OSBPL9: variants seen among roughly 807,000 people sequenced by gnomAD.
OSBPL9 encodes oxysterol-binding protein-related protein 9.
Under a neutral mutation model 106.6 loss-of-function variants are expected in OSBPL9, and 40 were observed. The observed-to-expected ratio is 0.38, with a 90% CI of 0.29 to 0.49. The LOEUF (loss-of-function observed/expected upper bound fraction) is 0.49, where lower values mean the gene tolerates loss of function less well. Among genes scored for constraint, OSBPL9 ranks in the 20% least tolerant of loss-of-function variants. The pLI is 0.97. For missense variants in OSBPL9, 609 were observed against 887.2 expected (o/e 0.69, Z 3.98); for synonymous variants, 269 against 295.4 (o/e 0.91, Z 0.92).
chr1:51,645,850 A>G (rs1231974114), intron 1 of OSBPL9, among the ~76,000 whole-genome samples: 1 of 151,956 alleles, frequency 6.6e-6, no homozygotes, highest in East Asian at 1.9e-4. Flanking sequence ...CATATGGTTT[A>G]ATCATCATTT....
intron 1 of OSBPL9, among the ~76,000 whole-genome samples, chr1:51,592,828 T>A (rs897457943): frequency 2.0e-5 from 3 of 152,164 alleles, no homozygotes; most frequent in Non-Finnish European, 4.4e-5. Context: ...ATTGGACAAG[T>A]GGAGTTCAGT....
At chr1:51,727,794 T>C (rs1048742400) in intron 4 of OSBPL9, among the ~76,000 whole-genome samples, 3 of 152,152 alleles carry the variant, frequency 2.0e-5, no homozygotes, top group African/African-American at 7.2e-5. Flanking sequence ...GCCCAGGAGT[T>C]TGAGTTCAGC....
At chr1:51,558,138 G>A in the OSBPL9 span, among the ~76,000 whole-genome samples, 1 of 152,142 alleles carries the variant, frequency 6.6e-6, no homozygotes, top group Non-Finnish European at 1.5e-5. Flanking sequence ...AAATTAGCCA[G>A]GCGTAGTGGC....
intron 3 of OSBPL9, among the ~76,000 whole-genome samples, chr1:51,678,055 T>A (rs1046600854): frequency 6.6e-6 from 1 of 151,410 alleles, no homozygotes; most frequent in Admixed American, 6.6e-5. Flanking sequence ...GTGGCGTGTG[T>A]GCCTGTAGTC....
Position 51,635,658 on chromosome 1 carries a change from TA to T in OSBPL9, c.112-16331del, listed in dbSNP as rs1405010537. Among the ~76,000 whole-genome samples the T allele has an allele frequency of 1.3e-4, 20 of 152,318 alleles. No homozygotes were observed. The Middle Eastern group carries it at 0.01, about 78-fold the overall frequency. Reference sequence around the variant, plus strand: ...AACTTTATAAGGGATGCAAAAACCCTAAGTCATCATGGCTGTGCTTAATTGA... The same window carrying T: ...AACTTTATAAGGGATGCAAAAACCCTAGTCATCATGGCTGTGCTTAATTGA... On this transcript the variant is annotated intron_variant, in intron 1 of 23. Coordinates refer to ENST00000428468, the MANE Select transcript of OSBPL9 (RefSeq NM_024586.6).
chr1:51,785,699 C>G, intron 20 of OSBPL9, 109 bp from the exon 21 acceptor site: 1 of 890,226 alleles, frequency 1.1e-6, no homozygotes, highest in African/African-American at 1.7e-5. Flanking sequence ...TCATCAAAAA[C>G]TTCACAGTTG....
intron 4 of OSBPL9, among the ~76,000 whole-genome samples, chr1:51,716,502 A>T (rs900292112): frequency 2.6e-5 from 4 of 152,186 alleles, no homozygotes; most frequent in Non-Finnish European, 4.4e-5. Context: ...TTGGATGAGA[A>T]CTGGTTGAAA....
At chr1:51,604,229 A>C (rs1415388979) in intron 2 of OSBPL9, among the ~76,000 whole-genome samples, 1 of 152,194 alleles carries the variant, frequency 6.6e-6, no homozygotes, top group Non-Finnish European at 1.5e-5. Context: ...TGGGACGCAA[A>C]TACTGCCTCT....
rs369007175 is a variant in OSBPL9, at chr1:51,737,233, G to C, written c.319-8303G>C. On this transcript the variant is annotated intron_variant, in intron 4 of 23. Transcript: ENST00000428468. ...ATCTGAGCAGCTTTAGCATTTGCCA[G>C]ATTTACTCCTGGAAAACATTTTATA... Among the ~76,000 whole-genome samples, 26 of 152,096 alleles carry C rather than the reference G, an allele frequency of 1.7e-4. No homozygotes were observed. The East Asian group carries it at 4.1e-3, about 24-fold the overall frequency.
At chr1:51,656,139 G>A (rs1283469519) in intron 2 of OSBPL9, among the ~76,000 whole-genome samples, 1 of 152,076 alleles carries the variant, frequency 6.6e-6, no homozygotes, top group Admixed American at 6.6e-5. Context: ...GAGAGACCTG[G>A]GGCTGAATTT....
rs571118678 is a variant in OSBPL9 at position 51,685,584 on chromosome 1, G to C, written c.241+16072G>C. On this transcript the variant is annotated intron_variant, in intron 3 of 23. Transcript: ENST00000428468. ...CCACACCGTCTAATTTTTTTGTAGA[G>C]ACGAGGTTTTGCCATGTTGGCCAGG... Among the ~76,000 whole-genome samples the C allele has an allele frequency of 2.6e-5, 4 of 152,222 alleles. No individual in the cohort carries two copies. The East Asian group carries it at 7.7e-4, about 29-fold the overall frequency.
chr1:51,733,152 C>T (rs2148951808), intron 4 of OSBPL9, among the ~76,000 whole-genome samples: 1 of 152,304 alleles, frequency 6.6e-6, no homozygotes, highest in Middle Eastern at 3.4e-3. Flanking sequence ...CATATCACAG[C>T]CTTCACTAAG....
rs144050651 is a variant in OSBPL9, at chr1:51,785,832, T to C, written c.1854T>C (p.Phe618=). ...GTTCTCCAAATGACAAGAAGTCTTT[T>C]TGCTCAATTGAAGGGGAATGGAATG... is the stretch of plus-strand genomic sequence containing the variant. ...EIFSPNDKKS[F]CSIEGEWNGV... Residue 618 remains phenylalanine (F), a synonymous_variant, in exon 21 of 24, where the codon TTT becomes TTC. Transcript: ENST00000428468. 1.9e-6 allele frequency: 3 copies of C among 1,609,126 alleles called. No individual in the cohort carries two copies. Among genetic ancestry groups the C allele is most frequent in the African/African-American group, 2.7e-5 (2 of 74,684 alleles).
Position 51,788,511 on chromosome 1 carries a change from A to AATT in OSBPL9, c.*726_*728dup, listed in dbSNP as rs1210341697. Reference sequence around the variant, plus strand: ...TCTTTTATGGTTAAACTTGGAAGCCAATTATTTGGCAACCTTGAATACAAG... The same window carrying AATT: ...TCTTTTATGGTTAAACTTGGAAGCCAATTATTATTTGGCAACCTTGAATACAAG... On this transcript the variant is annotated 3_prime_UTR_variant, in exon 24 of 24. Coordinates refer to ENST00000428468, the MANE Select transcript of OSBPL9 (RefSeq NM_024586.6). The AATT allele has an allele frequency of 6.6e-6, 1 of 152,518 alleles. No individual in the cohort carries two copies. The highest frequency in any genetic ancestry group is 1.5e-5 in the Non-Finnish European group (1 of 68,038). 9.4% of individuals were successfully genotyped at this position (152,518 alleles called of 1,614,324 possible).
At chr1:51,768,188 G>A (rs1308464811) in intron 12 of OSBPL9, among the ~76,000 whole-genome samples, 3 of 151,864 alleles carry the variant, frequency 2.0e-5, no homozygotes, top group East Asian at 1.9e-4. Context: ...TGATCAGCCC[G>A]CCTCGGCCTC....
At position 51,662,946 on chromosome 1, in the gene OSBPL9, G is replaced by A. The variant is rs147801633; in HGVS notation, c.163-6488G>A. On this transcript the variant is annotated intron_variant, in intron 2 of 23. Transcript: ENST00000428468. ...TTTTTAGTAGAGATGGGGTTTCACCGTGTTAGCCAGGATGGTCTTGATCAC... is the reference window on the plus strand; with the variant it reads ...TTTTTAGTAGAGATGGGGTTTCACCATGTTAGCCAGGATGGTCTTGATCAC... Among the ~76,000 whole-genome samples the A allele has an allele frequency of 5.8e-3, 877 of 151,870 alleles. 38 individuals carry two copies. The East Asian group carries it at 0.12, about 21-fold the overall frequency.
intron 2 of OSBPL9, among the ~76,000 whole-genome samples, chr1:51,611,744 G>C (rs61578637): frequency 1.2e-3 from 176 of 152,248 alleles, no homozygotes; most frequent in African/African-American, 3.9e-3. Context: ...GTCAAGGGGT[G>C]GGGGGTGGAT....
intron 4 of OSBPL9, among the ~76,000 whole-genome samples, chr1:51,718,689 G>A (rs930715827): frequency 3.3e-5 from 5 of 152,210 alleles, no homozygotes; most frequent in Middle Eastern, 3.4e-3. Context: ...TATCTGTTAC[G>A]ATTTAGTAGT....
chr1:51,749,902 A>AG (rs1474757517), intron 7 of OSBPL9, among the ~76,000 whole-genome samples: 1 of 151,720 alleles, frequency 6.6e-6, no homozygotes, highest in Non-Finnish European at 1.5e-5. Flanking sequence ...AGAAAAAAAA[A>AG]TTAGATATTA....
Sources: allele counts gnomAD v4.1 joint callset (sites outside exome capture counted in the v4.1 genomes callset), GRCh38; gene constraint gnomAD v4.1.1; transcripts MANE v1.5; gene names NCBI Gene and HGNC (gene_info 2026-07-23, HGNC 2026-07-21).